The following TRRAP variants were observed in gnomAD, a reference collection of about 807,000 sequenced individuals.
The protein encoded by TRRAP is transformation/transcription domain-associated protein.
A neutral mutation model predicts 438.8 loss-of-function variants in TRRAP; 41 were observed. The ratio of observed to expected loss-of-function variants is 0.09; its 90% CI spans 0.07 to 0.12. The LOEUF (loss-of-function observed/expected upper bound fraction) is 0.12, where lower values mean the gene tolerates loss of function less well. Among genes scored for constraint, TRRAP ranks in the 10% least tolerant of loss-of-function variants. TRRAP has a pLI of 1.00. For missense variants in TRRAP, 3,122 were observed against 5,055.1 expected, an observed-to-expected ratio of 0.62 and a Z score of 11.60; for synonymous variants, 1,994 against 1,962.9, an observed-to-expected ratio of 1.02 and a Z score of -0.42.
At position 98,882,039 on chromosome 7, in the gene TRRAP, T is replaced by A. The variant is rs1330811429; in HGVS notation, c.150+15T>A. 6.3e-7 allele frequency: 1 copy of A among 1,597,776 alleles called. No individual in the cohort carries two copies. Among genetic ancestry groups the A allele is most frequent in the Non-Finnish European group, 8.5e-7 (1 of 1,173,932 alleles). ...AAAATTTTGAGGTATGAGCATTATATTTTCTATTTTTCATTTTGAGGTAAA... is the reference window on the plus strand; with the variant it reads ...AAAATTTTGAGGTATGAGCATTATAATTTCTATTTTTCATTTTGAGGTAAA... On this transcript the variant is annotated intron_variant, in intron 3 of 72. Transcript: ENST00000456197.
intron 39 of TRRAP, among the ~76,000 whole-genome samples, 185 bp from the exon 40 acceptor site, chr7:98,952,982 A>G (rs1195824527): frequency 7.0e-6 from 1 of 143,678 alleles, no homozygotes; most frequent in Admixed American, 7.1e-5. Context: ...ATGTGAAGGA[A>G]AATGGATAGG....
chr7:98,928,579 C>T (rs10238626), intron 23 of TRRAP, among the ~76,000 whole-genome samples: 8,939 of 152,150 alleles, frequency 0.059, 871 homozygotes, highest in African/African-American at 0.2. Context: ...TGGGTACCTC[C>T]GAGGCATTAC....
chr7:99,011,511 G>C lies in TRRAP; in HGVS notation c.11313G>C (p.Arg3771=). The C allele has an allele frequency of 1.9e-6, 3 of 1,614,062 alleles. No homozygotes were observed. Among genetic ancestry groups the C allele is most frequent in the Non-Finnish European group, 2.5e-6 (3 of 1,179,982 alleles). The change falls in exon 72 of 73, where the codon CGG becomes CGC. Residue 3771 remains arginine (R), a synonymous_variant. Coordinates refer to ENST00000456197, the MANE Select transcript of TRRAP (RefSeq NM_001375524.1). This position sits in a 1 kb window ranked among gnomAD's most constrained non-coding sequence, Gnocchi z 7.1. The part of the protein sequence containing the change: ...PLTASMIAVA[R]CFAQPNFKVD... ...CAGCGTCCATGATTGCGGTCGCCCG[G>C]TGCTTCGCCCAGCCAAACTTTAAGG... is the stretch of plus-strand genomic sequence containing the variant.
chr7:98,910,277 G>A lies in TRRAP; in HGVS notation c.1572G>A (p.Val524=). The change falls in exon 15 of 73, where the codon GTG becomes GTA. Residue 524 remains valine, a synonymous_variant. Coordinates refer to ENST00000456197, the MANE Select transcript of TRRAP (RefSeq NM_001375524.1). The part of the protein sequence containing the change: ...PPATPVTPAP[V]PPFEKQGEKD... The stretch of plus-strand genomic sequence containing the variant: ...CCACCCCTGTGACCCCGGCCCCCGT[G>A]CCTCCCTTCGAGAAGCAAGGAGAAA... 2 of 1,351,396 alleles carry A rather than the reference G, an allele frequency of 1.5e-6. No homozygotes were observed. Among genetic ancestry groups the A allele is most frequent in the Non-Finnish European group, 1.9e-6 (2 of 1,032,846 alleles). The allele number at this position is 1,351,396 out of a possible 1,614,324, so 83.7% of individuals were successfully genotyped here.
intron 28 of TRRAP, among the ~76,000 whole-genome samples, chr7:98,936,632 C>T (rs1246135867): frequency 6.6e-6 from 1 of 152,138 alleles, no homozygotes; most frequent in African/African-American, 2.4e-5. Flanking sequence ...CACTGGAGGA[C>T]CAGAGACCGT....
chr7:98,992,642 C>G (rs1460506983), intron 65 of TRRAP, among the ~76,000 whole-genome samples: 1 of 152,030 alleles, frequency 6.6e-6, no homozygotes, highest in Non-Finnish European at 1.5e-5. Context: ...TGAAGTCAGT[C>G]TTACCAGATG....
In TRRAP at chr7:98,933,296, A is replaced by G; in HGVS notation, c.3908A>G (p.Asn1303Ser). 1.9e-6 allele frequency: 3 copies of G among 1,614,158 alleles called. No individual in the cohort carries two copies. Among genetic ancestry groups the G allele is most frequent in the South Asian group, 1.1e-5 (1 of 91,072 alleles). ...CACCTGCTCCGACACCAGCCTGCCAACGCACAGATTGGCCTGATGGAGGGG... is the reference window on the plus strand; with the variant it reads ...CACCTGCTCCGACACCAGCCTGCCAGCGCACAGATTGGCCTGATGGAGGGG... ...KKHLLRHQPA[N>S]AQIGLMEGNT... Residue 1303 changes from asparagine (N) to serine (S), a missense_variant, in exon 27 of 73, where the codon AAC becomes AGC. Asn to Ser is a conservative substitution (Grantham distance 46). Transcript: ENST00000456197.
chr7:98,959,580 C>A, intron 45 of TRRAP, 90 bp downstream of exon 45: 1 of 1,521,632 alleles, frequency 6.6e-7, no homozygotes, highest in Non-Finnish European at 8.8e-7. Context: ...ATTTGTGGAT[C>A]ACTCTGACCC....
Position 98,925,271 on chromosome 7 carries a change from G to A in TRRAP, c.2975+8G>A, listed in dbSNP as rs369597521. ...GCTCCTGGCACACCCCAAGTATGTC[G>A]GCCACTTCCTTCTGTGTGGTTGGGT... is the stretch of plus-strand genomic sequence containing the variant. On this transcript the variant is annotated splice_region_variant and intron_variant, in intron 22 of 72. Transcript: ENST00000456197. 4 of 1,612,750 alleles carry A rather than the reference G, an allele frequency of 2.5e-6. No homozygotes were observed. Among genetic ancestry groups the A allele is most frequent in the East Asian group, 2.2e-5 (1 of 44,876 alleles).
chr7:98,973,240 A>G (rs1009468919), intron 53 of TRRAP, among the ~76,000 whole-genome samples: 1 of 152,136 alleles, frequency 6.6e-6, no homozygotes, highest in African/African-American at 2.4e-5. Context: ...TCGGCCTCCC[A>G]AAGTGCTGGG....
intron 65 of TRRAP, 43 bp downstream of exon 65, chr7:98,992,270 C>G: frequency 6.2e-7 from 1 of 1,602,560 alleles, no homozygotes; most frequent in Non-Finnish European, 8.5e-7. Flanking sequence ...GGGAAGGGCT[C>G]ATTCCAGGGG....
chr7:99,003,264 T>C (rs1485121931), intron 67 of TRRAP, among the ~76,000 whole-genome samples: 3 of 152,218 alleles, frequency 2.0e-5, no homozygotes, highest in East Asian at 1.9e-4. Context: ...CTGAGAAATA[T>C]ATTAACCAGG....
chr7:99,009,956 C>T (rs1336961199), intron 70 of TRRAP, among the ~76,000 whole-genome samples: 2 of 144,950 alleles, frequency 1.4e-5, no homozygotes, highest in African/African-American at 5.2e-5. Flanking sequence ...GGCGCGATCT[C>T]GGCTCACCGC....
At chr7:98,940,389 C>G (rs781876713) in intron 30 of TRRAP, among the ~76,000 whole-genome samples, 20 of 152,100 alleles carry the variant, frequency 1.3e-4, no homozygotes, top group Non-Finnish European at 2.1e-4. Context: ...GGGGCTTCGT[C>G]ATGTTGGCCA....
In TRRAP at chr7:98,958,079, C is replaced by A. The variant is rs782000637; in HGVS notation, c.6330C>A (p.Arg2110=). The change falls in exon 44 of 73, where the codon CGC becomes CGA. Residue 2110 remains arginine (R), a synonymous_variant. Transcript: ENST00000456197. ...ACACTGTGGTGAACTTCCTTATCCG[C>A]GTGGCCTGTCAGGTACGGGATCCAA... ...HTDTVVNFLI[R]VACQVNDNTN... is the part of the protein sequence containing the mutation. 6.2e-6 allele frequency: 10 copies of A among 1,614,016 alleles called. 1 individual carries two copies. In the Admixed American group the frequency reaches 1.3e-4, roughly 22 times the overall value.
chr7:98,985,092 TTTAAAG>T (rs749946063), intron 62 of TRRAP, 48 bp downstream of exon 62: 1 of 1,312,070 alleles, frequency 7.6e-7, no homozygotes, highest in East Asian at 2.3e-5. Context: ...CATCAGATTA[TTTAAAG>T]TTATTTATAA....
In TRRAP at chr7:98,992,219, A is replaced by T; in HGVS notation, c.9839A>T (p.Tyr3280Phe). ...LTLKIEQRER[Y>F]KSDSGQQQPS... ...CTGAAAATAGAACAGCGGGAACGCTACAAGAGCGGTACGTCTCGGGTGGGG... is the reference window on the plus strand; with the variant it reads ...CTGAAAATAGAACAGCGGGAACGCTTCAAGAGCGGTACGTCTCGGGTGGGG... Residue 3280 changes from tyrosine (Y) to phenylalanine (F), a missense_variant, in exon 65 of 73, where the codon TAC becomes TTC. Around this residue, in one of 24 missense-constraint regions of TRRAP, gnomAD observed 107 missense variants for 327.5 expected, o/e 0.33. Transcript: ENST00000456197. 1 of 1,614,108 alleles carries T rather than the reference A, an allele frequency of 6.2e-7. No homozygotes were observed. Among genetic ancestry groups the T allele is most frequent in the Non-Finnish European group, 8.5e-7 (1 of 1,180,012 alleles).
At chr7:99,003,766 A>G (rs188298711) in intron 67 of TRRAP, among the ~76,000 whole-genome samples, 81 of 152,286 alleles carry the variant, frequency 5.3e-4, no homozygotes, top group African/African-American at 1.9e-3. Context: ...CACACCATGT[A>G]TAAAACGTGT....
chr7:98,946,602 A>G (rs1791081567), intron 33 of TRRAP, among the ~76,000 whole-genome samples: 1 of 149,752 alleles, frequency 6.7e-6, no homozygotes, highest in African/African-American at 2.5e-5. Flanking sequence ...CACACAACAC[A>G]TATGCACACA....
Sources: gnomAD v4.1 joint callset for allele counts (sites outside exome capture counted in the v4.1 genomes callset) on GRCh38, gnomAD v4.1.1 for gene constraint, gnomAD v4.1.1 regional missense constraint, Gnocchi (gnomAD v3.1) non-coding constraint, MANE v1.5 for transcripts, NCBI Gene and HGNC (gene_info 2026-07-23, HGNC 2026-07-21) for gene names.